The following HIPK2 variants were observed in gnomAD, a reference collection of about 807,000 sequenced individuals.
HIPK2 encodes homeodomain interacting protein kinase 2, also known as homeodomain-interacting protein kinase 2.
In HIPK2, 27 loss-of-function variants were observed where a neutral mutation model predicts 113.7. That is an observed-to-expected ratio of 0.24 (90% CI 0.17 to 0.33). The LOEUF (loss-of-function observed/expected upper bound fraction) is 0.33. HIPK2 is among the 10% of genes least tolerant of loss of function. HIPK2 has a pLI of 1.00. For missense variants in HIPK2, 1,257 were observed against 1,588.0 expected (o/e 0.79, Z 3.54); for synonymous variants, 631 against 642.2 (o/e 0.98, Z 0.26).
chr7:139,648,937 GC>G (rs1801349824), intron 2 of HIPK2, among the ~76,000 whole-genome samples: 1 of 152,152 alleles, frequency 6.6e-6, no homozygotes, highest in African/African-American at 2.4e-5. Flanking sequence ...GGAGGGGGAA[GC>G]AAAACCCCAA....
Position 139,565,455 on chromosome 7 carries a change from AAT to A in HIPK2, c.*7470_*7471del, listed in dbSNP as rs1208352712. 4 of 152,338 alleles carry A rather than the reference AAT, an allele frequency of 2.6e-5. No homozygotes were observed. Among genetic ancestry groups the A allele is most frequent in the Admixed American group, 2.6e-4 (4 of 15,304 alleles). The allele number at this position is 152,338 out of a possible 1,614,324, so 9.4% of individuals were successfully genotyped here. A position where few individuals can be genotyped will look rare whatever the true frequency, so the allele number is the denominator to read the frequency against. ...GAACAAATATTTCATAATAAATGAT[AAT>A]AGTTATTTTAAAAAATTAAAAATCT... On this transcript the variant is annotated 3_prime_UTR_variant, in exon 15 of 15. Coordinates refer to ENST00000406875, the MANE Select transcript of HIPK2 (RefSeq NM_022740.5).
intron 10 of HIPK2, 145 bp from the exon 11 acceptor site, chr7:139,600,741 C>A: frequency 2.3e-6 from 2 of 854,710 alleles, no homozygotes. Context: ...ATGAGCCTGG[C>A]CATGTGTGCT....
At chr7:139,743,776 G>A (rs1373507824) in intron 1 of HIPK2, among the ~76,000 whole-genome samples, 1 of 152,204 alleles carries the variant, frequency 6.6e-6, no homozygotes, top group Non-Finnish European at 1.5e-5. Context: ...GACTCAGGAT[G>A]CTGAGGATTA....
chr7:139,615,449 CCTTT>C (rs1402776025), intron 7 of HIPK2, among the ~76,000 whole-genome samples: 3 of 152,168 alleles, frequency 2.0e-5, no homozygotes, highest in Non-Finnish European at 4.4e-5. Flanking sequence ...TGTCCTCTTG[CCTTT>C]CTTTTTCAGA....
intron 9 of HIPK2, among the ~76,000 whole-genome samples, chr7:139,610,441 T>C (rs923761159): frequency 6.6e-6 from 1 of 152,216 alleles, no homozygotes; most frequent in Non-Finnish European, 1.5e-5. Flanking sequence ...TGATCTATCT[T>C]GGCCTTTTCT....
intron 9 of HIPK2, among the ~76,000 whole-genome samples, chr7:139,609,428 A>C (rs549475280): frequency 1.1e-4 from 16 of 152,300 alleles, no homozygotes; most frequent in Non-Finnish European, 2.1e-4. Flanking sequence ...TGAAATTAAC[A>C]TGAGGAGTGG....
chr7:139,734,581 T>C (rs1795886382), intron 1 of HIPK2, among the ~76,000 whole-genome samples: 2 of 152,224 alleles, frequency 1.3e-5, no homozygotes, highest in Non-Finnish European at 2.9e-5. Context: ...GGTTGTGCTC[T>C]TGGTAAAGAA....
chr7:139,597,792 A>G (rs1440992377), intron 11 of HIPK2, among the ~76,000 whole-genome samples: 2 of 152,154 alleles, frequency 1.3e-5, no homozygotes, highest in East Asian at 1.9e-4. Flanking sequence ...TAAATTAACC[A>G]GTGTGATTTT....
Position 139,652,821 on chromosome 7 carries a change from C to T in HIPK2, c.1104-21096G>A, listed in dbSNP as rs114436002. 4.3e-3 allele frequency among the ~76,000 whole-genome samples: 660 copies of T among 152,122 alleles called. 5 individuals are homozygous for T. Among genetic ancestry groups the T allele is most frequent in the African/African-American group, 0.015 (623 of 41,506 alleles). Reference sequence around the variant, plus strand: ...ACTGCAGGTAAGAAAACATCATTAACGAAGGTACAGAGGCAGGAAAACACA... The same window carrying T: ...ACTGCAGGTAAGAAAACATCATTAATGAAGGTACAGAGGCAGGAAAACACA... On this transcript the variant is annotated intron_variant, in intron 2 of 14. Coordinates refer to ENST00000406875, the MANE Select transcript of HIPK2 (RefSeq NM_022740.5).
chr7:139,623,095 A>T (rs1800294439), intron 6 of HIPK2, among the ~76,000 whole-genome samples: 1 of 152,058 alleles, frequency 6.6e-6, no homozygotes, highest in Non-Finnish European at 1.5e-5. Flanking sequence ...ATCCCATTTT[A>T]CCCGTGATAT....
rs1221606627 is a variant in HIPK2, at chr7:139,570,247, A to C, written c.*2680T>G. 6.7e-6 allele frequency: 1 copy of C among 150,088 alleles called. No homozygotes were observed. Among genetic ancestry groups the C allele is most frequent in the Non-Finnish European group, 1.5e-5 (1 of 67,998 alleles). 9.3% of individuals were successfully genotyped at this position (150,088 alleles called of 1,614,324 possible). On this transcript the variant is annotated 3_prime_UTR_variant, in exon 15 of 15. Coordinates refer to ENST00000406875, the MANE Select transcript of HIPK2 (RefSeq NM_022740.5). Reference sequence around the variant, plus strand: ...CCATCTGGCTGCCAAAAAGTCCCTAATAGATGGATTTTCCAGGCTGACCCA... The same window carrying C: ...CCATCTGGCTGCCAAAAAGTCCCTACTAGATGGATTTTCCAGGCTGACCCA...
At chr7:139,589,826 T>A (rs1569447132) in intron 12 of HIPK2, among the ~76,000 whole-genome samples, 1 of 152,234 alleles carries the variant, frequency 6.6e-6, no homozygotes, top group Non-Finnish European at 1.5e-5. Flanking sequence ...CCAGGTCCCA[T>A]CCCTTTGTTG....
At chr7:139,576,839 G>A (rs1174041095) in intron 13 of HIPK2, among the ~76,000 whole-genome samples, 1 of 152,242 alleles carries the variant, frequency 6.6e-6, no homozygotes, top group Admixed American at 6.5e-5. Flanking sequence ...CCAGAGGGCG[G>A]GAGCTCTGCT....
intron 12 of HIPK2, among the ~76,000 whole-genome samples, chr7:139,591,174 ATTTATG>A (rs1403521856): frequency 6.6e-6 from 1 of 152,142 alleles, no homozygotes; most frequent in East Asian, 1.9e-4. Context: ...TTATCTGCAT[ATTTATG>A]TCTATGTCTA....
intron 2 of HIPK2, among the ~76,000 whole-genome samples, chr7:139,699,031 C>T (rs964058597): frequency 1.1e-4 from 16 of 152,140 alleles, no homozygotes; most frequent in South Asian, 2.1e-4. Flanking sequence ...ATAAAAACGA[C>T]GACCCACGCA....
At position 139,673,333 on chromosome 7, in the gene HIPK2, C is replaced by T. The variant is rs115838669; in HGVS notation, c.1104-41608G>A. The stretch of plus-strand genomic sequence containing the variant: ...GGCAGGCTTCTGACCTTGATGGTGG[C>T]GGAGCCGCATTCTCTCGCATAATCT... On this transcript the variant is annotated intron_variant, in intron 2 of 14. Transcript: ENST00000406875. 3.9e-3 allele frequency among the ~76,000 whole-genome samples: 596 copies of T among 152,212 alleles called. 3 individuals are homozygous for T. The highest frequency in any genetic ancestry group is 0.014 in the African/African-American group (584 of 41,518).
chr7:139,734,959 G>A (rs1226337337), intron 1 of HIPK2, among the ~76,000 whole-genome samples: 3 of 152,096 alleles, frequency 2.0e-5, no homozygotes, highest in Admixed American at 6.5e-5. Context: ...CCAAAATGAC[G>A]TAAAATGTAA....
At chr7:139,754,858 G>C (rs1408330410) in intron 1 of HIPK2, among the ~76,000 whole-genome samples, 11 of 152,076 alleles carry the variant, frequency 7.2e-5, no homozygotes, top group Admixed American at 7.2e-4. Flanking sequence ...TTGCTATGGA[G>C]GACACAGGTG....
chr7:139,726,656 A>G (rs903837677), intron 1 of HIPK2, among the ~76,000 whole-genome samples: 1 of 152,232 alleles, frequency 6.6e-6, no homozygotes, highest in Non-Finnish European at 1.5e-5. Context: ...ACCAGCACCC[A>G]GTTCCTACTT....
Sources: allele counts gnomAD v4.1 joint callset (sites outside exome capture counted in the v4.1 genomes callset), GRCh38; gene constraint gnomAD v4.1.1; transcripts MANE v1.5; gene names NCBI Gene and HGNC (gene_info 2026-07-23, HGNC 2026-07-21).